Variants in PCDH11Y observed in about 807,000 individuals in gnomAD.
The protein encoded by PCDH11Y is protocadherin-11 Y-linked.
For synonymous variants in PCDH11Y, 9 were observed against 83.6 expected (o/e 0.11, Z 4.87); for missense variants, 12 against 224.8 (o/e 0.05, Z 6.05).
Position 5,148,324 on chromosome Y carries a change from A to T in PCDH11Y, c.3129+47617A>T, listed in dbSNP as rs867719647. ...CATCAGTAATTGTGTGTGTGTAGTA[A>T]GTAAGGCACAAAACTAGTATAGAAA... is the stretch of plus-strand genomic sequence containing the variant. On this transcript the variant is annotated intron_variant, in intron 2 of 4. Coordinates refer to the PCDH11Y transcript ENST00000400457. Among the ~76,000 whole-genome samples the T allele has an allele frequency of 9.1e-5, 3 of 32,957 alleles. No homozygotes were observed. In the South Asian group the frequency reaches 2.0e-3, roughly 22 times the overall value. The allele number at this position is 32,957 out of a possible 37,273, so 88.4% of individuals were successfully genotyped here. A position where few individuals can be genotyped will look rare whatever the true frequency, so the allele number is the denominator to read the frequency against.
Position 5,370,428 on chromosome Y carries a change from G to A in PCDH11Y, c.3130-130629G>A, listed in dbSNP as rs2124673096. ...GAAGACAGCTAAGTTATATTATTTA[G>A]AAAAGATATAGCTGTGGCAAGAAAA... On this transcript the variant is annotated intron_variant, in intron 2 of 4. Coordinates refer to the PCDH11Y transcript ENST00000400457. Among the ~76,000 whole-genome samples, 10 of 26,680 alleles carry A rather than the reference G, an allele frequency of 3.7e-4. No homozygotes were observed. The South Asian group carries it at 8.6e-3, about 23-fold the overall frequency. The allele number at this position is 26,680 out of a possible 37,273, so 71.6% of individuals were successfully genotyped here.
At chrY:5,595,609 T>A in intron 4 of PCDH11Y, among the ~76,000 whole-genome samples, 6 of 32,308 alleles carry the variant, frequency 1.9e-4, no homozygotes, top group Admixed American at 2.8e-4. Flanking sequence ...ATAATTCTGT[T>A]CTTTTATCAT....
At chrY:5,029,749 C>T in intron 1 of PCDH11Y, among the ~76,000 whole-genome samples, 1 of 27,994 alleles carries the variant, frequency 3.6e-5, no homozygotes, top group Non-Finnish European at 8.4e-5. Flanking sequence ...ACGGTGAAAC[C>T]CTGTCTCAAC....
intron 3 of PCDH11Y, among the ~76,000 whole-genome samples, chrY:5,560,663 C>A: frequency 6.1e-5 from 2 of 32,775 alleles, no homozygotes; most frequent in African/African-American, 2.4e-4. Flanking sequence ...TGATGTTGGG[C>A]CTGTGGGTGC....
At chrY:5,183,398 C>T in intron 2 of PCDH11Y, among the ~76,000 whole-genome samples, 2 of 33,165 alleles carry the variant, frequency 6.0e-5, no homozygotes, top group Non-Finnish European at 1.5e-4. Flanking sequence ...TATTCCTCTC[C>T]GTGAATACTG....
At chrY:5,605,383 T>C (rs2053478102) in intron 4 of PCDH11Y, among the ~76,000 whole-genome samples, 1 of 33,562 alleles carries the variant, frequency 3.0e-5, no homozygotes, top group Non-Finnish European at 7.4e-5. Flanking sequence ...TGGGTACAAT[T>C]TGAAGAATTA....
At chrY:5,104,905 TA>T (rs2052785181), downstream of PCDH11Y, 1 of 224,824 alleles carries the variant, frequency 4.4e-6, no homozygotes, top group African/African-American at 8.5e-5. Flanking sequence ...TTGACTAACA[TA>T]ATATTGCTGA....
chrY:5,388,893 A>G, intron 2 of PCDH11Y, among the ~76,000 whole-genome samples: 1 of 33,915 alleles, frequency 2.9e-5, no homozygotes, highest in Non-Finnish European at 7.3e-5. Flanking sequence ...ATTGTTTTTC[A>G]AATTTAACTG....
At chrY:5,079,886 G>A in intron 1 of PCDH11Y, among the ~76,000 whole-genome samples, 1 of 33,547 alleles carries the variant, frequency 3.0e-5, no homozygotes, top group African/African-American at 1.2e-4. Context: ...TTGTCAGACT[G>A]CAATTTTTCC....
At chrY:5,396,066 G>C (rs111494238) in intron 2 of PCDH11Y, among the ~76,000 whole-genome samples, 4 of 15,423 alleles carry the variant, frequency 2.6e-4, no homozygotes, top group Non-Finnish European at 7.9e-4. Context: ...AATTTTCCTG[G>C]CTCAGCCTCC....
At chrY:5,078,220 AG>A (rs2052712753) in intron 1 of PCDH11Y, among the ~76,000 whole-genome samples, 1 of 33,299 alleles carries the variant, frequency 3.0e-5, no homozygotes, top group African/African-American at 1.2e-4. Context: ...GTGGCTGCAT[AG>A]TATTCCATTA....
chrY:5,367,009 C>T (rs2053180989), intron 2 of PCDH11Y, among the ~76,000 whole-genome samples: 1 of 33,497 alleles, frequency 3.0e-5, no homozygotes, highest in Non-Finnish European at 7.4e-5. Context: ...GGTGATCTGC[C>T]GGCCTCAGCC....
At chrY:5,004,184 ACACT>A (rs2052536518) in intron 1 of PCDH11Y, among the ~76,000 whole-genome samples, 1 of 32,689 alleles carries the variant, frequency 3.1e-5, no homozygotes, top group Non-Finnish European at 7.5e-5. Flanking sequence ...AGCATAAAAC[ACACT>A]CATTTTCTAG....
At chrY:5,127,724 C>A (rs2052827200) in intron 2 of PCDH11Y, among the ~76,000 whole-genome samples, 1 of 32,573 alleles carries the variant, frequency 3.1e-5, no homozygotes, top group Non-Finnish European at 7.5e-5. Flanking sequence ...GAAAGTAATG[C>A]CTAATTAATA....
chrY:5,001,224 G>T (rs2052529930), intron 1 of PCDH11Y, among the ~76,000 whole-genome samples: 1 of 33,487 alleles, frequency 3.0e-5, no homozygotes, highest in African/African-American at 1.2e-4. Flanking sequence ...TCACCTCCCC[G>T]CCCTTCCTTC....
chrY:5,232,927 G>C (rs2052969532), intron 2 of PCDH11Y, among the ~76,000 whole-genome samples: 1 of 32,288 alleles, frequency 3.1e-5, no homozygotes, highest in African/African-American at 1.2e-4. Flanking sequence ...GTGGGCGGGG[G>C]TCAGCTGAAT....
intron 1 of PCDH11Y, among the ~76,000 whole-genome samples, chrY:5,028,912 CAG>C (rs2052584013): frequency 3.1e-5 from 1 of 31,813 alleles, no homozygotes; most frequent in South Asian, 6.9e-4. Flanking sequence ...GGGGGGGAGA[CAG>C]AGAGAGAGAG....
chrY:5,537,722 C>A, intron 3 of PCDH11Y, among the ~76,000 whole-genome samples: 1 of 33,003 alleles, frequency 3.0e-5, no homozygotes, highest in South Asian at 6.8e-4. Flanking sequence ...CAGCTCTATA[C>A]CTCTGTTGAG....
chrY:5,157,840 G>T, intron 2 of PCDH11Y, among the ~76,000 whole-genome samples: 4 of 32,533 alleles, frequency 1.2e-4, no homozygotes, highest in Non-Finnish European at 2.3e-4. Flanking sequence ...GTCAACCCTT[G>T]TTATGCTTCT....
Sources: allele counts gnomAD v4.1 joint callset (sites outside exome capture counted in the v4.1 genomes callset), GRCh38; gene constraint gnomAD v4.1.1; transcripts MANE v1.5; gene names NCBI Gene and HGNC (gene_info 2026-07-23, HGNC 2026-07-21).